Variants in PHF2 observed in about 807,000 individuals in gnomAD.
PHF2 encodes lysine-specific demethylase PHF2.
Under a neutral mutation model 120.5 loss-of-function variants are expected in PHF2, and 27 were observed. The observed-to-expected ratio is 0.22, with a 90% CI of 0.17 to 0.31. The LOEUF (loss-of-function observed/expected upper bound fraction) is 0.31. Ranked by LOEUF, PHF2 falls within the 10% of genes least tolerant of loss-of-function variation. PHF2 has a pLI of 1.00. For missense variants in PHF2, 1,024 were observed against 1,434.8 expected (o/e 0.71, Z 4.63); for synonymous variants, 568 against 592.5 (o/e 0.96, Z 0.60).
intron 14 of PHF2, among the ~76,000 whole-genome samples, chr9:93,665,109 G>A: frequency 6.6e-6 from 1 of 152,236 alleles, no homozygotes; most frequent in Non-Finnish European, 1.5e-5. Context: ...CCCAGGCAGG[G>A]AGACAAATTA....
chr9:93,649,334 A>G (rs1009380796), intron 5 of PHF2, 122 bp downstream of exon 5: 7 of 615,192 alleles, frequency 1.1e-5, no homozygotes, highest in African/African-American at 3.9e-5. Flanking sequence ...TGCACATGGC[A>G]CACACTGATT....
intron 1 of PHF2, among the ~76,000 whole-genome samples, chr9:93,604,931 A>G (rs1035313898): frequency 1.3e-5 from 2 of 152,072 alleles, no homozygotes; most frequent in African/African-American, 4.8e-5. Flanking sequence ...TGATGACCCC[A>G]CATTTCCCCA....
rs116060573 is a variant in PHF2 at position 93,667,719 on chromosome 9, A to T, written c.2348+479A>T. ...CGAGGCTCTGAGGGCTTATACTTGC[A>T]CGTGGGCACACTGCTAGGAAGCAGC... is the stretch of plus-strand genomic sequence containing the variant. On this transcript the variant is annotated intron_variant, in intron 17 of 21. Coordinates refer to ENST00000359246, the MANE Select transcript of PHF2 (RefSeq NM_005392.4). Among the ~76,000 whole-genome samples, 1,435 of 152,210 alleles carry T rather than the reference A, an allele frequency of 9.4e-3. 29 individuals are homozygous for T. Among genetic ancestry groups the T allele is most frequent in the African/African-American group, 0.033 (1,374 of 41,512 alleles).
intron 4 of PHF2, among the ~76,000 whole-genome samples, chr9:93,646,419 C>G (rs1306009131): frequency 6.6e-6 from 1 of 152,238 alleles, no homozygotes; most frequent in Non-Finnish European, 1.5e-5. Flanking sequence ...CATGGCCAAG[C>G]ATGGAGGCCC....
chr9:93,610,042 C>T (rs1423314018), intron 1 of PHF2, among the ~76,000 whole-genome samples: 3 of 148,570 alleles, frequency 2.0e-5, no homozygotes, highest in African/African-American at 4.9e-5. Flanking sequence ...TTTTTTTTTG[C>T]GGTTTGAATG....
At position 93,649,057 on chromosome 9, in the gene PHF2, C is replaced by T. The variant is rs1826311249; in HGVS notation, c.461-14C>T. ...CTTCCCAGGGTGCTCAAGCTCCTCC[C>T]ACCACCTCCCTAGGGCCGGAACGGA... On this transcript the variant is annotated splice_polypyrimidine_tract_variant and intron_variant, in intron 4 of 21. Transcript: ENST00000359246. The T allele has an allele frequency of 6.4e-7, 1 of 1,550,664 alleles. No individual in the cohort carries two copies. Among genetic ancestry groups the T allele is most frequent in the Non-Finnish European group, 8.7e-7 (1 of 1,146,706 alleles).
intron 13 of PHF2, among the ~76,000 whole-genome samples, chr9:93,663,241 G>C (rs1826611069): frequency 6.6e-6 from 1 of 152,168 alleles, no homozygotes; most frequent in Non-Finnish European, 1.5e-5. Context: ...GGATGCAAGA[G>C]GTTGAATGTA....
intron 5 of PHF2, among the ~76,000 whole-genome samples, chr9:93,649,624 CACA>C (rs1465199816): frequency 3.3e-5 from 5 of 152,104 alleles, no homozygotes; most frequent in East Asian, 3.9e-4. Context: ...CTTCCGGACA[CACA>C]ACATTCACGC....
intron 3 of PHF2, among the ~76,000 whole-genome samples, chr9:93,643,362 G>A (rs1826199791): frequency 6.6e-6 from 1 of 151,782 alleles, no homozygotes; most frequent in Non-Finnish European, 1.5e-5. Flanking sequence ...GGCCCAGGTG[G>A]ATGGGAGGCC....
Position 93,659,590 on chromosome 9 carries a change from G to T in PHF2, c.1319G>T (p.Arg440Leu). ...QLIKDLAKEI[R>L]LSENASKAVR... ...ATCAAAGACCTGGCCAAAGAGATCC[G>T]GCTCAGTGAGGTGGGGCCGTGTCCA... The change falls in exon 11 of 22, where the codon CGG (arginine) becomes CTG (leucine). Residue 440 changes from arginine (R) to leucine (L), a missense_variant. Around this residue, in one of 2 missense-constraint regions of PHF2, gnomAD observed 677 missense variants for 857.4 expected, o/e 0.79. Coordinates refer to ENST00000359246, the MANE Select transcript of PHF2 (RefSeq NM_005392.4). 6.2e-7 allele frequency: 1 copy of T among 1,613,962 alleles called. No homozygotes were observed. Among genetic ancestry groups the T allele is most frequent in the Non-Finnish European group, 8.5e-7 (1 of 1,179,928 alleles).
At chr9:93,609,899 G>A (rs549615991) in intron 1 of PHF2, among the ~76,000 whole-genome samples, 2 of 152,228 alleles carry the variant, frequency 1.3e-5, no homozygotes, top group East Asian at 1.9e-4. Flanking sequence ...GTTTCACCAC[G>A]TTGGCGAGGT....
intron 1 of PHF2, among the ~76,000 whole-genome samples, chr9:93,586,146 T>C (rs1271849786): frequency 6.6e-6 from 1 of 152,202 alleles, no homozygotes; most frequent in East Asian, 1.9e-4. Flanking sequence ...TTGGGAGGGC[T>C]CACTGAACCC....
intron 5 of PHF2, among the ~76,000 whole-genome samples, chr9:93,649,579 T>A (rs1200953902): frequency 6.6e-6 from 1 of 152,012 alleles, no homozygotes; most frequent in Non-Finnish European, 1.5e-5. Context: ...ATGCACACAC[T>A]CATGACACAC....
chr9:93,629,890 T>A, intron 1 of PHF2, 80 bp from the exon 2 acceptor site: 3 of 1,360,438 alleles, frequency 2.2e-6, no homozygotes, highest in Non-Finnish European at 3.2e-6. Context: ...GAGCAGGGAT[T>A]CTCCCTAGAG....
chr9:93,654,368 C>T, intron 6 of PHF2, 45 bp from the exon 7 acceptor site: 1 of 1,593,562 alleles, frequency 6.3e-7, no homozygotes, highest in South Asian at 1.1e-5. Context: ...CCCCCGACCC[C>T]CGCATCCCAG....
intron 1 of PHF2, among the ~76,000 whole-genome samples, chr9:93,610,784 T>C (rs1825620984): frequency 6.6e-6 from 1 of 152,164 alleles, no homozygotes; most frequent in Non-Finnish European, 1.5e-5. Context: ...TTTGGAGAAA[T>C]GTGACTTCTG....
intron 14 of PHF2, 137 bp from the exon 15 acceptor site, chr9:93,665,549 T>C: frequency 1.1e-6 from 1 of 901,898 alleles, no homozygotes; most frequent in Non-Finnish European, 1.7e-6. Flanking sequence ...CGGATGGAAA[T>C]TCAAATAGTG....
At chr9:93,622,262 C>T (rs755756134) in intron 1 of PHF2, among the ~76,000 whole-genome samples, 6 of 152,210 alleles carry the variant, frequency 3.9e-5, no homozygotes, top group Non-Finnish European at 8.8e-5. Context: ...AAGGCCCAGC[C>T]AGCCTGTCCA....
Position 93,668,105 on chromosome 9 carries a change from T to C in PHF2, c.2348+865T>C, listed in dbSNP as rs117492721. Among the ~76,000 whole-genome samples the C allele has an allele frequency of 6.4e-4, 98 of 152,366 alleles. 2 individuals carry two copies. The East Asian group carries it at 0.017, about 27-fold the overall frequency. ...GAGCTTTTGCTAAATCAATTGGCCG[T>C]ACTTTCTTTCATATATTACTATTTT... On this transcript the variant is annotated intron_variant, in intron 17 of 21. Transcript: ENST00000359246.
Sources: allele counts gnomAD v4.1 joint callset (sites outside exome capture counted in the v4.1 genomes callset), GRCh38; gene constraint gnomAD v4.1.1; regional missense constraint gnomAD v4.1.1; transcripts MANE v1.5; gene names NCBI Gene and HGNC (gene_info 2026-07-23, HGNC 2026-07-21).